The following NCLN variants were observed in gnomAD, a reference collection of about 807,000 sequenced individuals.
NCLN encodes nicalin.
A neutral mutation model predicts 69.5 loss-of-function variants in NCLN; 34 were observed. The ratio of observed to expected loss-of-function variants is 0.49; its 90% confidence interval spans 0.37 to 0.65. The LOEUF (loss-of-function observed/expected upper bound fraction) is 0.65. NCLN is among the 30% of genes least tolerant of loss of function. The pLI is 0.00. For synonymous variants in NCLN, 393 were observed against 358.3 expected (o/e 1.10, Z -1.09); for missense variants, 710 against 804.8 (o/e 0.88, Z 1.42).
chr19:3,198,802 G>A lies in NCLN; in HGVS notation c.616-15G>A. 1.9e-6 allele frequency: 3 copies of A among 1,577,772 alleles called. No homozygotes were observed. The highest frequency in any genetic ancestry group is 1.8e-5 in the Admixed American group (1 of 55,910). On this transcript the variant is annotated splice_polypyrimidine_tract_variant and intron_variant, in intron 4 of 14. Coordinates refer to ENST00000246117, the MANE Select transcript of NCLN (RefSeq NM_020170.4). ...CCAGGAACAGCCAGGCCATTCCCCTGCTCTCTATCCACAGGGGCGGCTGAC... is the reference window on the plus strand; with the variant it reads ...CCAGGAACAGCCAGGCCATTCCCCTACTCTCTATCCACAGGGGCGGCTGAC...
At position 3,206,242 on chromosome 19, in the gene NCLN, T is replaced by C; in HGVS notation, c.1336-20T>C. 6.5e-7 allele frequency: 1 copy of C among 1,538,432 alleles called. No homozygotes were observed. Among genetic ancestry groups the C allele is most frequent in the Non-Finnish European group, 8.8e-7 (1 of 1,141,142 alleles). On this transcript the variant is annotated intron_variant, in intron 11 of 14. Transcript: ENST00000246117. ...TGGGTGGGCGGGGCCAGGCCATGAC[T>C]ACCACCACCGTCCCTACAGCAGATC...
At chr19:3,187,113 C>T (rs1915689505) in intron 1 of NCLN, among the ~76,000 whole-genome samples, 1 of 152,130 alleles carries the variant, frequency 6.6e-6, no homozygotes, top group African/African-American at 2.4e-5. Flanking sequence ...TCCCAGAACC[C>T]CACTTGTTCC....
In NCLN at chr19:3,186,238, GGGGCTCCCC is replaced by G. The variant is rs530428919; in HGVS notation, c.184+36_184+44del. The G allele has an allele frequency of 6.8e-4, 988 of 1,451,476 alleles. 9 individuals are homozygous for G. The African/African-American group carries it at 0.011, about 17-fold the overall frequency. 89.9% of individuals were successfully genotyped at this position (1,451,476 alleles called of 1,614,324 possible). Reference sequence around the variant, plus strand: ...CGGTGCGTGTCCCCGGCCCACCCTCGGGGCTCCCCGGGCTCCCCGGCCACGCCACTCCGG... The same window carrying G: ...CGGTGCGTGTCCCCGGCCCACCCTCGGGGCTCCCCGGCCACGCCACTCCGG... On this transcript the variant is annotated intron_variant, in intron 1 of 14. Coordinates refer to ENST00000246117, the MANE Select transcript of NCLN (RefSeq NM_020170.4).
chr19:3,199,675 C>T (rs961064792), intron 5 of NCLN, among the ~76,000 whole-genome samples: 8 of 149,416 alleles, frequency 5.4e-5, no homozygotes, highest in African/African-American at 2.0e-4. Context: ...TGTCAACCAG[C>T]ACCCTGCCTC....
In NCLN at chr19:3,192,748, G is replaced by A. The variant is rs1915860773; in HGVS notation, c.375+88G>A. On this transcript the variant is annotated intron_variant, in intron 2 of 14. Transcript: ENST00000246117. ...TGTGTGACCCTAGGCGGGTCACTTC[G>A]CCTCTCTGAGCCCTTTGGAAAGTAG... The A allele has an allele frequency of 3.4e-6, 4 of 1,188,822 alleles. No individual in the cohort carries two copies. In the Admixed American group the frequency reaches 1.3e-4, roughly 40 times the overall value. 73.6% of individuals were successfully genotyped at this position (1,188,822 alleles called of 1,614,324 possible). A position where few individuals can be genotyped will look rare whatever the true frequency, so the allele number is the denominator to read the frequency against.
In NCLN at chr19:3,206,289, G is replaced by C. The variant is rs1211255653; in HGVS notation, c.1363G>C (p.Val455Leu). Residue 455 changes from valine (V) to leucine (L), a missense_variant, in exon 12 of 15, where the codon GTG (valine) becomes CTG (leucine). Transcript: ENST00000246117. ...MQIQQEQLDS[V>L]MDWLTNQPRA... ...GATCCAGCAGGAGCAGCTGGACTCG[G>C]TGATGGACTGGCTCACCAACCAGCC... 6.5e-7 allele frequency: 1 copy of C among 1,547,904 alleles called. No individual in the cohort carries two copies. The highest frequency in any genetic ancestry group is 8.7e-7 in the Non-Finnish European group (1 of 1,146,848).
chr19:3,203,545 C>G (rs1270395009), intron 6 of NCLN, among the ~76,000 whole-genome samples: 2 of 152,110 alleles, frequency 1.3e-5, no homozygotes, highest in Non-Finnish European at 2.9e-5. Flanking sequence ...ACTCAGCACC[C>G]TGAAGTGCCC....
intron 4 of NCLN, among the ~76,000 whole-genome samples, chr19:3,197,894 T>C (rs1164918605): frequency 6.6e-6 from 1 of 152,204 alleles, no homozygotes; most frequent in Non-Finnish European, 1.5e-5. Context: ...GTGCTGGGAT[T>C]ACAGGCGTGA....
intron 3 of NCLN, 69 bp downstream of exon 3, chr19:3,193,497 T>C (rs1915884539): frequency 1.3e-6 from 2 of 1,482,978 alleles, no homozygotes; most frequent in Admixed American, 2.2e-5. Flanking sequence ...TCCCAAGGGC[T>C]GCGGTCACCC....
rs564979126 is a variant in NCLN, at chr19:3,201,696, C to T, written c.800+70C>T. 1.6e-4 allele frequency: 208 copies of T among 1,277,284 alleles called. 2 individuals are homozygous for T. The South Asian group carries it at 2.6e-3, about 16-fold the overall frequency. 79.1% of individuals were successfully genotyped at this position (1,277,284 alleles called of 1,614,324 possible). ...CTGCCGGACAGCGCTGCCCACCAGG[C>T]ACCTCTGCAGATGTTTCTCTGGAGC... On this transcript the variant is annotated intron_variant, in intron 6 of 14. Coordinates refer to ENST00000246117, the MANE Select transcript of NCLN (RefSeq NM_020170.4).
chr19:3,203,294 G>A (rs1811535099), intron 6 of NCLN, among the ~76,000 whole-genome samples: 1 of 151,652 alleles, frequency 6.6e-6, no homozygotes. Flanking sequence ...GGCAGAAAGA[G>A]CGAAACTCCG....
chr19:3,206,154 G>C lies in NCLN; in HGVS notation c.1299G>C (p.Gly433=). Residue 433 remains glycine (G), a splice_region_variant and synonymous_variant, in exon 11 of 15, where the codon GGG becomes GGC. Transcript: ENST00000246117. ...TRVIYNLTEK[G]TPPDMPVFTE... ...GCCATCCCCTCCTCTCTCCGCAGGG[G>C]ACACCCCCAGACATGCCGGTGTTCA... 5.4e-6 allele frequency: 7 copies of C among 1,302,880 alleles called. No individual in the cohort carries two copies. Among genetic ancestry groups the C allele is most frequent in the Non-Finnish European group, 7.0e-6 (7 of 997,784 alleles). 80.7% of individuals were successfully genotyped at this position (1,302,880 alleles called of 1,614,324 possible). A position where few individuals can be genotyped will look rare whatever the true frequency, so the allele number is the denominator to read the frequency against.
Position 3,206,360 on chromosome 19 carries a change from G to C in NCLN, c.1434G>C (p.Thr478=). ...LVDKDSTFLS[T]LEHHLSRYLK... ...ACAAGGACAGCACCTTCCTCAGCACGCTGGAGCACCACCTGAGCCGCTACC... is the reference window on the plus strand; with the variant it reads ...ACAAGGACAGCACCTTCCTCAGCACCCTGGAGCACCACCTGAGCCGCTACC... The change falls in exon 12 of 15, where the codon ACG becomes ACC. Residue 478 remains threonine, a synonymous_variant. Coordinates refer to ENST00000246117, the MANE Select transcript of NCLN (RefSeq NM_020170.4). 6.5e-7 allele frequency: 1 copy of C among 1,548,268 alleles called. No homozygotes were observed. Among genetic ancestry groups the C allele is most frequent in the Non-Finnish European group, 8.7e-7 (1 of 1,146,934 alleles).
At chr19:3,191,522 G>T (rs970723312) in intron 1 of NCLN, among the ~76,000 whole-genome samples, 5 of 152,216 alleles carry the variant, frequency 3.3e-5, no homozygotes, top group African/African-American at 1.2e-4. Context: ...TGGTCCTAGA[G>T]CAGGCGAGCC....
At chr19:3,186,336 A>C in intron 1 of NCLN, 122 bp downstream of exon 1, 1 of 1,153,526 alleles carries the variant, frequency 8.7e-7, no homozygotes, top group South Asian at 2.0e-5. Flanking sequence ...CTCAGGCCCC[A>C]GGCGAGGCAG....
intron 6 of NCLN, among the ~76,000 whole-genome samples, chr19:3,202,552 T>A (rs1318890218): frequency 6.6e-6 from 1 of 152,182 alleles, no homozygotes. Flanking sequence ...CTGCAGTCAT[T>A]GTGTCAGCAG....
At chr19:3,201,985 G>T (rs1026416374) in intron 6 of NCLN, among the ~76,000 whole-genome samples, 1 of 152,134 alleles carries the variant, frequency 6.6e-6, no homozygotes, top group Non-Finnish European at 1.5e-5. Flanking sequence ...ACTGCAGGGC[G>T]CTGAGCAGCA....
In NCLN at chr19:3,207,479, G is replaced by T. The variant is rs1916302167; in HGVS notation, c.1632+10G>T. 6.2e-7 allele frequency: 1 copy of T among 1,612,430 alleles called. No homozygotes were observed. The highest frequency in any genetic ancestry group is 8.5e-7 in the Non-Finnish European group (1 of 1,179,808). On this transcript the variant is annotated intron_variant, in intron 14 of 14. Coordinates refer to ENST00000246117, the MANE Select transcript of NCLN (RefSeq NM_020170.4). The stretch of plus-strand genomic sequence containing the variant: ...CTACGTGGCTGTCCAGGTGAGCAGT[G>T]CCCAGGCTCAGGTGGGGCAGGGGCC...
At chr19:3,192,422 C>T (rs752130068) in intron 1 of NCLN, 48 bp from the exon 2 acceptor site, 19 of 1,484,110 alleles carry the variant, frequency 1.3e-5, no homozygotes, top group South Asian at 2.5e-5. Context: ...CCCCTCCCGT[C>T]GGCCTGGCCA....
Sources: allele counts gnomAD v4.1 joint callset (sites outside exome capture counted in the v4.1 genomes callset), GRCh38; gene constraint gnomAD v4.1.1; transcripts MANE v1.5; gene names NCBI Gene and HGNC (gene_info 2026-07-23, HGNC 2026-07-21).